Variants in KDM1A observed in about 807,000 individuals in gnomAD.
KDM1A encodes the protein lysine demethylase 1A, also known as lysine-specific histone demethylase 1A.
KDM1A carries 49 observed loss-of-function variants against 109.4 expected under a neutral mutation model. That is an observed-to-expected ratio of 0.45 (90% confidence interval 0.36 to 0.57). The LOEUF is 0.57. Ranked by LOEUF, KDM1A falls within the 20% of genes least tolerant of loss-of-function variation. The probability of loss-of-function intolerance (pLI) is 0.00; values close to 1 mark genes in which losing one functional copy is unlikely to be tolerated. For missense variants in KDM1A, 668 were observed against 1,116.6 expected (o/e 0.60, Z 5.73); for synonymous variants, 380 against 415.4 (o/e 0.91, Z 1.04).
chr1:23,025,673 A>C (rs6683468), intron 1 of KDM1A, among the ~76,000 whole-genome samples: 6,053 of 152,246 alleles, frequency 0.04, 410 homozygotes, highest in African/African-American at 0.14. Context: ...TAATCTTCAG[A>C]GGAGGTGGAC....
intron 9 of KDM1A, chr1:23,059,495 G>GT (rs1179177701): frequency 1.6e-4 from 58 of 362,832 alleles, no homozygotes; most frequent in East Asian, 7.1e-4. Context: ...TGATTCTTCG[G>GT]TTTTTTTTGT....
At chr1:23,049,265 G>C (rs529099202) in intron 3 of KDM1A, among the ~76,000 whole-genome samples, 1 of 149,978 alleles carries the variant, frequency 6.7e-6, no homozygotes, top group East Asian at 2.0e-4. Context: ...ATTGAATCTT[G>C]ATAGTTTTTA....
At chr1:23,031,412 G>GT (rs763339369) in intron 2 of KDM1A, among the ~76,000 whole-genome samples, 88 of 152,170 alleles carry the variant, frequency 5.8e-4, no homozygotes, top group Non-Finnish European at 6.6e-4. Flanking sequence ...TAATTTTTAT[G>GT]TTTCGAATAG....
intron 3 of KDM1A, among the ~76,000 whole-genome samples, chr1:23,048,093 G>C (rs1642554633): frequency 6.6e-6 from 1 of 152,068 alleles, no homozygotes; most frequent in Non-Finnish European, 1.5e-5. Context: ...GGGAGAAGTG[G>C]AATTTAATAG....
intron 3 of KDM1A, among the ~76,000 whole-genome samples, chr1:23,046,690 T>C (rs1318145770): frequency 2.0e-5 from 3 of 152,302 alleles, no homozygotes; most frequent in African/African-American, 7.2e-5. Flanking sequence ...TTCAAATATT[T>C]AACTACATTT....
At chr1:23,075,793 C>T (rs1397375600) in intron 15 of KDM1A, among the ~76,000 whole-genome samples, 1 of 151,108 alleles carries the variant, frequency 6.6e-6, no homozygotes, top group Non-Finnish European at 1.5e-5. Flanking sequence ...ACTAAAAATA[C>T]AAAATTAGCC....
rs372226085 is a variant in KDM1A at position 23,055,065 on chromosome 1, G to A, written c.791-4G>A. On this transcript the variant is annotated splice_region_variant and splice_polypyrimidine_tract_variant and intron_variant, in intron 5 of 20. Coordinates refer to ENST00000400181, the MANE Select transcript of KDM1A (RefSeq NM_001009999.3). ...ACCGTGTTTTTAATCCACTTATTCT[G>A]TAGGTGATACTGTGCTTGTCCACCG... 3 of 1,575,626 alleles carry A rather than the reference G, an allele frequency of 1.9e-6. No individual in the cohort carries two copies. Among genetic ancestry groups the A allele is most frequent in the Non-Finnish European group, 1.7e-6 (2 of 1,155,382 alleles).
chr1:23,066,687 C>A (rs912263320), intron 10 of KDM1A, among the ~76,000 whole-genome samples: 2 of 152,084 alleles, frequency 1.3e-5, no homozygotes, highest in African/African-American at 4.8e-5. Flanking sequence ...CTTTTATACT[C>A]CAGGAAAAGC....
At chr1:23,040,722 A>G (rs993786100) in intron 2 of KDM1A, among the ~76,000 whole-genome samples, 3 of 152,142 alleles carry the variant, frequency 2.0e-5, no homozygotes, top group Non-Finnish European at 2.9e-5. Flanking sequence ...CAGGAGTTCA[A>G]GGTTACAGTG....
intron 2 of KDM1A, among the ~76,000 whole-genome samples, chr1:23,042,949 A>T (rs528865725): frequency 1.3e-5 from 2 of 150,030 alleles, no homozygotes; most frequent in East Asian, 4.0e-4. Flanking sequence ...AGGTTTCACC[A>T]AGTTGGCTAG....
chr1:23,047,838 AGT>A (rs1247165915), intron 3 of KDM1A, among the ~76,000 whole-genome samples: 1 of 151,358 alleles, frequency 6.6e-6, no homozygotes, highest in Non-Finnish European at 1.5e-5. Flanking sequence ...TGAAGGTTGC[AGT>A]GTGAGATTGT....
intron 10 of KDM1A, 92 bp downstream of exon 10, chr1:23,066,163 C>T: frequency 1.2e-6 from 1 of 865,632 alleles, no homozygotes. Flanking sequence ...TTTCAAAGAT[C>T]CTCTCCATCA....
At chr1:23,080,224 C>G (rs891200022) in intron 18 of KDM1A, among the ~76,000 whole-genome samples, 1 of 152,134 alleles carries the variant, frequency 6.6e-6, no homozygotes, top group Admixed American at 6.5e-5. Context: ...CCAGTTCTTT[C>G]CATTACTCCT....
At chr1:23,071,066 G>T (rs1643305259) in intron 12 of KDM1A, among the ~76,000 whole-genome samples, 159 bp from the exon 13 acceptor site, 1 of 152,182 alleles carries the variant, frequency 6.6e-6, no homozygotes, top group Non-Finnish European at 1.5e-5. Context: ...CAAATGGAAT[G>T]ATGTAGGTTA....
chr1:23,039,122 A>C (rs570986149), intron 2 of KDM1A, among the ~76,000 whole-genome samples: 1 of 152,160 alleles, frequency 6.6e-6, no homozygotes, highest in Non-Finnish European at 1.5e-5. Context: ...TTTTAGCCCC[A>C]TTCTTACTTC....
chr1:23,054,656 A>G (rs1361183713), intron 5 of KDM1A, among the ~76,000 whole-genome samples: 1 of 151,704 alleles, frequency 6.6e-6, no homozygotes, highest in Non-Finnish European at 1.5e-5. Flanking sequence ...ATTTTTTGAG[A>G]TCTGATCTAG....
chr1:23,048,995 A>C (rs941093369), intron 3 of KDM1A, among the ~76,000 whole-genome samples: 2 of 151,806 alleles, frequency 1.3e-5, no homozygotes, highest in African/African-American at 4.8e-5. Flanking sequence ...CAAAGAATAC[A>C]AAAAACATTA....
Position 23,083,657 on chromosome 1 carries a change from T to A in KDM1A, c.*293T>A, listed in dbSNP as rs530074138. On this transcript the variant is annotated 3_prime_UTR_variant, in exon 21 of 21. Transcript: ENST00000400181. ...GTGTGTGGGGTTTTTGTTTTTTTTTTATATTTTGAGAATAAAACTTCATAT... is the reference window on the plus strand; with the variant it reads ...GTGTGTGGGGTTTTTGTTTTTTTTTAATATTTTGAGAATAAAACTTCATAT... 7 of 239,024 alleles carry A rather than the reference T, an allele frequency of 2.9e-5. No individual in the cohort carries two copies. The East Asian group carries it at 4.9e-4, about 17-fold the overall frequency. 14.8% of individuals were successfully genotyped at this position (239,024 alleles called of 1,614,324 possible).
chr1:23,025,328 GA>G (rs1389978762), intron 1 of KDM1A, among the ~76,000 whole-genome samples: 32 of 109,606 alleles, frequency 2.9e-4, no homozygotes, highest in African/African-American at 1.0e-3. Context: ...GAAGATGAAA[GA>G]TTTTTTTTTT....
Sources: gnomAD v4.1 joint callset for allele counts (sites outside exome capture counted in the v4.1 genomes callset) on GRCh38, gnomAD v4.1.1 for gene constraint, MANE v1.5 for transcripts, NCBI Gene and HGNC (gene_info 2026-07-23, HGNC 2026-07-21) for gene names.